CCDC88A: variants seen among roughly 807,000 people sequenced by gnomAD.
The protein encoded by CCDC88A is coiled-coil and HOOK domain protein 88A, also known as girdin.
A neutral mutation model predicts 234.3 loss-of-function variants in CCDC88A; 54 were observed. That is an observed-to-expected ratio of 0.23 (90% CI 0.19 to 0.29). The LOEUF (loss-of-function observed/expected upper bound fraction) is 0.29. Ranked by LOEUF, CCDC88A falls within the 10% of genes least tolerant of loss-of-function variation. The probability of loss-of-function intolerance (pLI) is 1.00; values close to 1 mark genes in which losing one functional copy is unlikely to be tolerated. For synonymous variants in CCDC88A, 753 were observed against 737.8 expected (o/e 1.02, Z -0.33); for missense variants, 1,832 against 2,123.4 (o/e 0.86, Z 2.70).
chr2:55,310,627 G>T (rs920296493), intron 23 of CCDC88A, among the ~76,000 whole-genome samples: 1 of 152,064 alleles, frequency 6.6e-6, no homozygotes, highest in African/African-American at 2.4e-5. Flanking sequence ...AAGCTAATGG[G>T]GTAGTCTATT....
In CCDC88A at chr2:55,317,495, T is replaced by G. The variant is rs775186201; in HGVS notation, c.3602+69A>C. 29 of 1,232,098 alleles carry G rather than the reference T, an allele frequency of 2.4e-5. No homozygotes were observed. Among genetic ancestry groups the G allele is most frequent in the Non-Finnish European group, 3.1e-5 (28 of 909,590 alleles). 76.3% of individuals were successfully genotyped at this position (1,232,098 alleles called of 1,614,324 possible). A position where few individuals can be genotyped will look rare whatever the true frequency, so the allele number is the denominator to read the frequency against. On this transcript the variant is annotated intron_variant, in intron 20 of 32. Coordinates refer to ENST00000436346, the MANE Select transcript of CCDC88A (RefSeq NM_001365480.1). The surrounding 1 kb of genome is among the most constrained non-coding windows in gnomAD (Gnocchi z 4.2). ...ACTAACATTAGATGTGTTTAATATA[T>G]AAAATTTATTATACTACTTGAAGAA...
chr2:55,301,036 A>C, intron 28 of CCDC88A, 170 bp downstream of exon 28: 1 of 555,436 alleles, frequency 1.8e-6, no homozygotes, highest in South Asian at 2.4e-5. Context: ...TTATCTTAAA[A>C]GAGGCAGAAG....
rs1354584134 is a variant in CCDC88A at position 55,288,847 on chromosome 2, A to G, written c.*2353T>C. On this transcript the variant is annotated 3_prime_UTR_variant, in exon 33 of 33. Coordinates refer to ENST00000436346, the MANE Select transcript of CCDC88A (RefSeq NM_001365480.1). The stretch of plus-strand genomic sequence containing the variant: ...CGATTCGTTTCCAGTTGGCTTTATT[A>G]TTGTTTGGCAGAAGTTGTTTAGGGG... 1 of 152,130 alleles carries G rather than the reference A, an allele frequency of 6.6e-6. No individual in the cohort carries two copies. Among genetic ancestry groups the G allele is most frequent in the Non-Finnish European group, 1.5e-5 (1 of 67,994 alleles). The allele number at this position is 152,130 out of a possible 1,614,324, so 9.4% of individuals were successfully genotyped here.
intron 18 of CCDC88A, among the ~76,000 whole-genome samples, chr2:55,319,961 AC>A (rs1368282281): frequency 6.6e-6 from 1 of 152,170 alleles, no homozygotes; most frequent in East Asian, 1.9e-4. Flanking sequence ...TGTAAATATA[AC>A]ATTAATTTTA....
intron 2 of CCDC88A, among the ~76,000 whole-genome samples, chr2:55,411,458 A>G (rs1680465570): frequency 6.6e-6 from 1 of 152,144 alleles, no homozygotes; most frequent in East Asian, 1.9e-4. Flanking sequence ...AAGACAGTCC[A>G]ATACAAAGCT....
chr2:55,399,103 A>C (rs930854303), intron 2 of CCDC88A, among the ~76,000 whole-genome samples: 1 of 152,202 alleles, frequency 6.6e-6, no homozygotes, highest in Non-Finnish European at 1.5e-5. Flanking sequence ...ATACAGGAGC[A>C]TAAAAAAGAT....
chr2:55,399,053 A>C (rs1162194233), intron 2 of CCDC88A, among the ~76,000 whole-genome samples: 1 of 152,170 alleles, frequency 6.6e-6, no homozygotes, highest in Non-Finnish European at 1.5e-5. Context: ...GATTTAACTA[A>C]ACCTGTGTTA....
chr2:55,293,218 A>C (rs1679637800), intron 31 of CCDC88A, among the ~76,000 whole-genome samples: 1 of 152,210 alleles, frequency 6.6e-6, no homozygotes, highest in South Asian at 2.1e-4. Context: ...ATAGCTGTGA[A>C]ATAATCTTTG....
rs748383593 is a variant in CCDC88A, at chr2:55,308,792, A to C, written c.4387+17T>G. 1 of 1,588,376 alleles carries C rather than the reference A, an allele frequency of 6.3e-7. No homozygotes were observed. On this transcript the variant is annotated intron_variant, in intron 25 of 32. Coordinates refer to ENST00000436346, the MANE Select transcript of CCDC88A (RefSeq NM_001365480.1). ...GATTCTAAATCAATACGATGTTTAA[A>C]GAGTTTAAGCACTCACTGCTGCTTT...
Position 55,295,871 on chromosome 2 carries a change from T to C in CCDC88A, c.5277A>G (p.Arg1759=). 1 of 1,614,120 alleles carries C rather than the reference T, an allele frequency of 6.2e-7. No homozygotes were observed. Among genetic ancestry groups the C allele is most frequent in the Non-Finnish European group, 8.5e-7 (1 of 1,180,018 alleles). The change falls in exon 31 of 33, where the codon CGA becomes CGG. Residue 1759 remains arginine, a synonymous_variant. Transcript: ENST00000436346. ...TAATGAAGTAGGTATCTTCAGTTTT[T>C]CGAGGACCAGGTCTCAAAAACTCAG... ...TKPEFLRPGP[R]KTEDTYFISS... is the part of the protein sequence containing the mutation.
intron 8 of CCDC88A, among the ~76,000 whole-genome samples, chr2:55,354,852 C>A (rs1273417936): frequency 6.6e-6 from 1 of 152,004 alleles, no homozygotes; most frequent in Non-Finnish European, 1.5e-5. Context: ...CTGGTGTGAA[C>A]CACCGCGCCT....
chr2:55,346,054 C>A, intron 10 of CCDC88A, 121 bp downstream of exon 10: 2 of 655,222 alleles, frequency 3.1e-6, no homozygotes, highest in Non-Finnish European at 5.1e-6. Flanking sequence ...TAAACATACC[C>A]AAATGTATTT....
rs1685503658 is a variant in CCDC88A, at chr2:55,336,758, A to G, written c.1579T>C (p.Leu527=). 6.3e-7 allele frequency: 1 copy of G among 1,593,216 alleles called. No homozygotes were observed. The highest frequency in any genetic ancestry group is 8.6e-7 in the Non-Finnish European group (1 of 1,166,404). ...EKQSLQNCQN[L]SKDLMKEKAQ... ...TTCTCCTTCATTAGATCCTTGCTTA[A>G]ATTCTGACAATTCTGAAGACTTTGC... Residue 527 remains leucine, a synonymous_variant, in exon 14 of 33, where the codon TTA becomes CTA. Coordinates refer to ENST00000436346, the MANE Select transcript of CCDC88A (RefSeq NM_001365480.1).
chr2:55,310,113 T>C (rs1574050176), intron 23 of CCDC88A, among the ~76,000 whole-genome samples: 1 of 152,296 alleles, frequency 6.6e-6, no homozygotes, highest in Non-Finnish European at 1.5e-5. Context: ...AGTTAAAAAA[T>C]GCTAAGTTAT....
At chr2:55,325,736 T>C (rs1430883720) in intron 17 of CCDC88A, among the ~76,000 whole-genome samples, 1 of 152,222 alleles carries the variant, frequency 6.6e-6, no homozygotes, top group African/African-American at 2.4e-5. Flanking sequence ...ATTGTGGATT[T>C]TTCTCCATGT....
intron 2 of CCDC88A, among the ~76,000 whole-genome samples, chr2:55,392,517 C>T (rs964901200): frequency 6.6e-6 from 1 of 152,158 alleles, no homozygotes; most frequent in Non-Finnish European, 1.5e-5. Context: ...ATTTTATAAT[C>T]TTCTCCAGGA....
At chr2:55,407,557 A>T (rs1041541309) in intron 2 of CCDC88A, among the ~76,000 whole-genome samples, 6 of 151,810 alleles carry the variant, frequency 4.0e-5, no homozygotes, top group Non-Finnish European at 5.9e-5. Flanking sequence ...GTGAGCCAAG[A>T]TCGCATCACT....
chr2:55,294,587 T>C (rs2104545906), intron 31 of CCDC88A: 1 of 984,708 alleles, frequency 1.0e-6, no homozygotes. Context: ...TGTACATATG[T>C]AATATAAAGT....
At chr2:55,389,896 C>A (rs1228946181) in intron 2 of CCDC88A, among the ~76,000 whole-genome samples, 1 of 151,452 alleles carries the variant, frequency 6.6e-6, no homozygotes, top group African/African-American at 2.4e-5. Flanking sequence ...CAAAAATTAG[C>A]CAGGTGTGGT....
Sources: allele counts gnomAD v4.1 joint callset (sites outside exome capture counted in the v4.1 genomes callset), GRCh38; gene constraint gnomAD v4.1.1; non-coding constraint Gnocchi (gnomAD v3.1); transcripts MANE v1.5; gene names NCBI Gene and HGNC (gene_info 2026-07-23, HGNC 2026-07-21).